HACD2: variants seen among roughly 807,000 people sequenced by gnomAD.
HACD2 encodes the protein very-long-chain (3R)-3-hydroxyacyl-CoA dehydratase 2.
Under a neutral mutation model 31.0 loss-of-function variants are expected in HACD2, and 15 were observed. That is an observed-to-expected ratio of 0.48 (90% CI 0.32 to 0.75). HACD2 has a LOEUF of 0.75. Ranked by LOEUF, HACD2 falls within the 30% of genes least tolerant of loss-of-function variation. HACD2 has a pLI of 0.03. For synonymous variants in HACD2, 115 were observed against 122.2 expected, an observed-to-expected ratio of 0.94 and a Z score of 0.39; for missense variants, 283 against 313.0, an observed-to-expected ratio of 0.90 and a Z score of 0.72.
chr3:123,534,027 G>GGT (rs749098084), intron 3 of HACD2, among the ~76,000 whole-genome samples: 1 of 51,848 alleles, frequency 1.9e-5, no homozygotes, highest in Non-Finnish European at 4.4e-5. Context: ...GAAACATAGT[G>GGT]GAGTGTGTGT....
intron 1 of HACD2, among the ~76,000 whole-genome samples, chr3:123,583,265 C>G (rs1009188530): frequency 6.6e-6 from 1 of 152,186 alleles, no homozygotes; most frequent in East Asian, 1.9e-4. Context: ...GATACCACTC[C>G]TTACCCTCCA....
At chr3:123,551,496 G>A (rs1341838992) in intron 3 of HACD2, among the ~76,000 whole-genome samples, 1 of 152,000 alleles carries the variant, frequency 6.6e-6, no homozygotes, top group Non-Finnish European at 1.5e-5. Context: ...ATGGTGGCGA[G>A]TGCCTGTAAT....
Position 123,547,986 on chromosome 3 carries a change from C to G in HACD2, c.293-19512G>C, listed in dbSNP as rs115859539. Among the ~76,000 whole-genome samples the G allele has an allele frequency of 4.3e-3, 660 of 152,114 alleles. 4 individuals are homozygous for G. The highest frequency in any genetic ancestry group is 0.015 in the African/African-American group (642 of 41,506). Reference sequence around the variant, plus strand: ...AGTAAGCAAGTGGAAGAACCAGAATCAAAGCCAGGCAGTCTGGCTTCAGAA... The same window carrying G: ...AGTAAGCAAGTGGAAGAACCAGAATGAAAGCCAGGCAGTCTGGCTTCAGAA... On this transcript the variant is annotated intron_variant, in intron 3 of 6. Transcript: ENST00000383657.
At chr3:123,550,668 G>T (rs931252303) in intron 3 of HACD2, among the ~76,000 whole-genome samples, 2 of 152,158 alleles carry the variant, frequency 1.3e-5, no homozygotes. Flanking sequence ...AGAGCAGGTC[G>T]GGGAACAATG....
At chr3:123,558,218 T>G (rs1274084251) in intron 3 of HACD2, among the ~76,000 whole-genome samples, 1 of 152,138 alleles carries the variant, frequency 6.6e-6, no homozygotes. Flanking sequence ...GGCAAAACCA[T>G]GGAGACAGTG....
chr3:123,569,004 C>T (rs959116361), intron 2 of HACD2, among the ~76,000 whole-genome samples: 1 of 152,124 alleles, frequency 6.6e-6, no homozygotes, highest in African/African-American at 2.4e-5. Flanking sequence ...CAGAGTCAGA[C>T]TTGACAAGAC....
rs975738295 is a variant in HACD2, at chr3:123,585,000, C to T, written c.28G>A (p.Ala10Thr). MAAVAATAA[A>T]KGNGGGGGRA... ...CCACCGCCGCCCCCATTCCCCTTCG[C>T]TGCTGCAGTCGCCGCCACTGCCGCC... is the stretch of plus-strand genomic sequence containing the variant. The change falls in exon 1 of 7, where the codon GCG becomes ACG. Residue 10 changes from alanine to threonine, a missense_variant. By Grantham distance (58) the Ala-to-Thr change is moderately conservative. Transcript: ENST00000383657. 35 of 1,517,722 alleles carry T rather than the reference C, an allele frequency of 2.3e-5. No individual in the cohort carries two copies. The highest frequency in any genetic ancestry group is 2.9e-5 in the Non-Finnish European group (33 of 1,134,532). The allele number at this position is 1,517,722 out of a possible 1,614,324, so 94.0% of individuals were successfully genotyped here. A position where few individuals can be genotyped will look rare whatever the true frequency, so the allele number is the denominator to read the frequency against.
At chr3:123,574,775 G>A (rs2056891534) in intron 2 of HACD2, among the ~76,000 whole-genome samples, 1 of 152,014 alleles carries the variant, frequency 6.6e-6, no homozygotes, top group Non-Finnish European at 1.5e-5. Context: ...CCCTCCAGAG[G>A]TAAGCTCTAA....
intron 3 of HACD2, among the ~76,000 whole-genome samples, chr3:123,536,266 T>G (rs935882081): frequency 1.3e-5 from 2 of 152,176 alleles, no homozygotes; most frequent in Non-Finnish European, 2.9e-5. Context: ...ATTCAAATCC[T>G]TAAATTGTAG....
At chr3:123,520,936 G>C (rs1047389086) in intron 4 of HACD2, among the ~76,000 whole-genome samples, 1 of 152,140 alleles carries the variant, frequency 6.6e-6, no homozygotes, top group Non-Finnish European at 1.5e-5. Flanking sequence ...CCAAGGTAAT[G>C]ATTTTTTCTT....
chr3:123,515,974 A>T (rs2056130309), intron 4 of HACD2, among the ~76,000 whole-genome samples: 1 of 151,992 alleles, frequency 6.6e-6, no homozygotes, highest in South Asian at 2.1e-4. Flanking sequence ...TGCCCAGGCT[A>T]GTCTCAAACT....
At chr3:123,570,999 A>G (rs905991175) in intron 2 of HACD2, among the ~76,000 whole-genome samples, 1 of 151,980 alleles carries the variant, frequency 6.6e-6, no homozygotes, top group African/African-American at 2.4e-5. Context: ...AAGAAATACA[A>G]TGAAATCCCT....
chr3:123,498,196 G>A (rs1219568080), intron 6 of HACD2, among the ~76,000 whole-genome samples: 1 of 152,218 alleles, frequency 6.6e-6, no homozygotes, highest in African/African-American at 2.4e-5. Context: ...CCTGGGTGAG[G>A]AGTCAATGGT....
At chr3:123,553,117 G>T (rs2056637412) in intron 3 of HACD2, among the ~76,000 whole-genome samples, 4 of 152,134 alleles carry the variant, frequency 2.6e-5, no homozygotes, top group Admixed American at 6.5e-5. Flanking sequence ...GGGCCTATTG[G>T]GTATCTGGGA....
At chr3:123,563,935 T>C (rs879691011) in intron 3 of HACD2, among the ~76,000 whole-genome samples, 6 of 152,180 alleles carry the variant, frequency 3.9e-5, no homozygotes, top group Admixed American at 6.5e-5. Context: ...TTCAGGAAGA[T>C]ACATGGGAAT....
chr3:123,498,547 C>A (rs2055863046), intron 6 of HACD2, among the ~76,000 whole-genome samples: 1 of 152,180 alleles, frequency 6.6e-6, no homozygotes, highest in African/African-American at 2.4e-5. Flanking sequence ...GAAGTGTGAA[C>A]CCTGTTGTAA....
At chr3:123,503,090 C>A (rs1021929765) in intron 4 of HACD2, among the ~76,000 whole-genome samples, 14 of 152,012 alleles carry the variant, frequency 9.2e-5, no homozygotes, top group African/African-American at 3.1e-4. Context: ...ATGGTAACAC[C>A]CTGTTTCCAC....
At chr3:123,552,051 T>G (rs748408901) in intron 3 of HACD2, among the ~76,000 whole-genome samples, 1 of 152,124 alleles carries the variant, frequency 6.6e-6, no homozygotes, top group Non-Finnish European at 1.5e-5. Flanking sequence ...CTGCAAATCT[T>G]TGTGGAAAGT....
At chr3:123,498,558 A>G (rs1019087500) in intron 6 of HACD2, among the ~76,000 whole-genome samples, 1 of 152,192 alleles carries the variant, frequency 6.6e-6, no homozygotes, top group Non-Finnish European at 1.5e-5. Context: ...CCTGTTGTAA[A>G]CTGCACATTC....
Sources: gnomAD v4.1 joint callset for allele counts (sites outside exome capture counted in the v4.1 genomes callset) on GRCh38, gnomAD v4.1.1 for gene constraint, MANE v1.5 for transcripts, NCBI Gene and HGNC (gene_info 2026-07-23, HGNC 2026-07-21) for gene names.